The following BAG6 variants were observed in gnomAD, a reference collection of about 807,000 sequenced individuals.
BAG6 encodes BAG cochaperone 6, also known as large proline-rich protein BAG6.
A neutral mutation model predicts 121.0 loss-of-function variants in BAG6; 22 were observed. The ratio of observed to expected loss-of-function variants is 0.18; its 90% CI spans 0.13 to 0.26. The LOEUF (loss-of-function observed/expected upper bound fraction) is 0.26, where lower values mean the gene tolerates loss of function less well. Among genes scored for constraint, BAG6 ranks in the 10% least tolerant of loss-of-function variants. BAG6 has a pLI of 1.00. For missense variants in BAG6, 1,233 were observed against 1,537.7 expected (o/e 0.80, Z 3.31); for synonymous variants, 583 against 584.6 (o/e 1.00, Z 0.04).
At chr6:31,639,686 T>G in intron 24 of BAG6, 40 bp from the exon 25 acceptor site, 1 of 1,576,390 alleles carries the variant, frequency 6.3e-7, no homozygotes, top group Non-Finnish European at 8.6e-7. Flanking sequence ...AGGATCAACG[T>G]CAGATCCAGT....
chr6:31,648,607 C>T (rs957610014), intron 6 of BAG6, 70 bp downstream of exon 6: 7 of 1,508,254 alleles, frequency 4.6e-6, no homozygotes, highest in Non-Finnish European at 6.4e-6. Flanking sequence ...CAGTGAAGCC[C>T]TAACTCCCAG....
chr6:31,651,721 C>G lies in BAG6; in HGVS notation c.43G>C (p.Asp15His), dbSNP rs373058376. 6.2e-7 allele frequency: 1 copy of G among 1,612,942 alleles called. No individual in the cohort carries two copies. The highest frequency in any genetic ancestry group is 8.5e-7 in the Non-Finnish European group (1 of 1,180,036). ...GTCTTCACCAACACCTCCAAGCTGT[C>G]AGGCTCCTCCACAGCGGTACTGGTA... ...DSTSTAVEEPDSLEVLVKTLD... is the reference protein window; with the variant it reads ...DSTSTAVEEPHSLEVLVKTLD... The change falls in exon 2 of 26, where the codon GAC becomes CAC. Residue 15 changes from aspartate to histidine, a missense_variant. This residue lies in a region of BAG6 where 7 missense variants were observed against 24.3 expected (regional missense o/e 0.29). Transcript: ENST00000676615.
At position 31,644,950 on chromosome 6, in the gene BAG6, A is replaced by C. The variant is rs774611387; in HGVS notation, c.1365T>G (p.Ile455Met). 1 of 1,576,852 alleles carries C rather than the reference A, an allele frequency of 6.3e-7. No homozygotes were observed. Among genetic ancestry groups the C allele is most frequent in the Non-Finnish European group, 8.6e-7 (1 of 1,160,346 alleles). The change falls in exon 10 of 26, where the codon ATT (isoleucine) becomes ATG (methionine). Residue 455 changes from isoleucine (I) to methionine (M), a missense_variant. Coordinates refer to ENST00000676615, the MANE Select transcript of BAG6 (RefSeq NM_001387994.1). This position sits in a 1 kb window ranked among gnomAD's most constrained non-coding sequence, Gnocchi z 4.9. ...CTCGCCAGCAACTATTCTCACCTTG[A>C]ATGTTCATGTGCATCATGACCACGG... ...VEPVVMMHMNIQDSGTQPGGV... is the reference protein window; with the variant it reads ...VEPVVMMHMNMQDSGTQPGGV...
In BAG6 at chr6:31,639,502, G is replaced by A; in HGVS notation, c.3391C>T (p.Gln1131Ter). The change falls in exon 25 of 26, where the codon CAG becomes TAG. Residue 1131 changes from glutamine (Q) to a stop codon, truncating the protein, a stop_gained and splice_region_variant. Transcript: ENST00000676615. LOFTEE classifies it high-confidence loss of function. ...APEVQESYRQ[Q>*]LRSDIQKRLQ... ...CCTATTCTGCTTCAAGGTGGCACCT[G>A]CTGCCTGTAGCTCTCCTGAACCTCT... is the stretch of plus-strand genomic sequence containing the variant. 6.2e-7 allele frequency: 1 copy of A among 1,612,844 alleles called. No homozygotes were observed. The highest frequency in any genetic ancestry group is 8.5e-7 in the Non-Finnish European group (1 of 1,179,132).
chr6:31,643,011 GC>G lies in BAG6; in HGVS notation c.1860del (p.Pro621LeufsTer25). On this transcript the variant is annotated frameshift_variant, in exon 15 of 26. Coordinates refer to ENST00000676615, the MANE Select transcript of BAG6 (RefSeq NM_001387994.1). LOFTEE classifies it high-confidence loss of function. ...TGAGGGGTGGGTGGAGGCTGGGCAG[GC>G]CCCCCAGGAGCGGGGCCAGCTGTGG... The part of the protein sequence containing the change: ...TATTAGPAPG[G>X]PAQPPPTPQP... 1 of 1,591,886 alleles carries G rather than the reference GC, an allele frequency of 6.3e-7. No individual in the cohort carries two copies. Among genetic ancestry groups the G allele is most frequent in the Non-Finnish European group, 8.5e-7 (1 of 1,170,374 alleles).
In BAG6 at chr6:31,647,672, C is replaced by A; in HGVS notation, c.707G>T (p.Arg236Leu). The change falls in exon 7 of 26, where the codon CGT becomes CTT. Residue 236 changes from arginine to leucine, a missense_variant. This residue lies in a region of BAG6 where 777 missense variants were observed against 861.4 expected (regional missense o/e 0.90). Transcript: ENST00000676615. ...EPMEAEEVEE[R>L]APAQNPELTP... ...GAGCTCCGGGTTCTGGGCTGGGGCA[C>A]GCTCCTCCACTTCTTCTGCCTCCAT... The A allele has an allele frequency of 6.2e-7, 1 of 1,604,132 alleles. No homozygotes were observed. The highest frequency in any genetic ancestry group is 8.5e-7 in the Non-Finnish European group (1 of 1,176,760).
chr6:31,644,010 G>A lies in BAG6; in HGVS notation c.1669-33C>T, dbSNP rs1011031855. On this transcript the variant is annotated intron_variant, in intron 13 of 25. Transcript: ENST00000676615. This position sits in a 1 kb window ranked among gnomAD's most constrained non-coding sequence, Gnocchi z 4.9. ...GAGAGCAAGGGAGAATTTCAGACCT[G>A]CCCTTCCATGCACCACCACAGGAGT... The A allele has an allele frequency of 6.8e-6, 11 of 1,613,198 alleles. No individual in the cohort carries two copies. Among genetic ancestry groups the A allele is most frequent in the Admixed American group, 3.3e-5 (2 of 59,978 alleles).
At position 31,640,775 on chromosome 6, in the gene BAG6, C is replaced by T; in HGVS notation, c.2934+17G>A. 1 of 1,612,822 alleles carries T rather than the reference C, an allele frequency of 6.2e-7. No individual in the cohort carries two copies. The highest frequency in any genetic ancestry group is 8.5e-7 in the Non-Finnish European group (1 of 1,180,022). ...TCTCTCAAGTACCCTGACCCCATCG[C>T]CCAACAGGTCCCTTACCTGGGGGGG... On this transcript the variant is annotated intron_variant, in intron 21 of 25. Transcript: ENST00000676615. This position sits in a 1 kb window ranked among gnomAD's most constrained non-coding sequence, Gnocchi z 4.2.
Position 31,641,670 on chromosome 6 carries a change from G to A in BAG6, c.2506-78C>T. 1 of 1,611,444 alleles carries A rather than the reference G, an allele frequency of 6.2e-7. No individual in the cohort carries two copies. The highest frequency in any genetic ancestry group is 1.1e-5 in the South Asian group (1 of 91,040). Reference sequence around the variant, plus strand: ...TCCACCTCGACCCCAACAAGTCCAGGGCTTGTGTGGGGGCAATTGGAGCTT... The same window carrying A: ...TCCACCTCGACCCCAACAAGTCCAGAGCTTGTGTGGGGGCAATTGGAGCTT... On this transcript the variant is annotated intron_variant, in intron 17 of 25. Coordinates refer to ENST00000676615, the MANE Select transcript of BAG6 (RefSeq NM_001387994.1). The surrounding 1 kb of genome is among the most constrained non-coding windows in gnomAD (Gnocchi z 5.7).
intron 4 of BAG6, 105 bp from the exon 5 acceptor site, chr6:31,649,069 G>A (rs1431836095): frequency 2.7e-6 from 4 of 1,489,640 alleles, no homozygotes; most frequent in East Asian, 4.5e-5. Context: ...CTTAAAGACT[G>A]AGACCAATAG....
In BAG6 at chr6:31,641,403, G is replaced by T. The variant is rs1782576257; in HGVS notation, c.2579C>A (p.Pro860Gln). The T allele has an allele frequency of 1.2e-6, 2 of 1,614,082 alleles. No homozygotes were observed. The highest frequency in any genetic ancestry group is 1.6e-4 in the Middle Eastern group (1 of 6,084). ...RESFSLVQVQPGVDIIRTNLE... is the reference protein window; with the variant it reads ...RESFSLVQVQQGVDIIRTNLE... ...GTTTGTCCGGATGATGTCCACACCTGGCTGAACCTGCACCAAGGACTGAGA... is the reference window on the plus strand; with the variant it reads ...GTTTGTCCGGATGATGTCCACACCTTGCTGAACCTGCACCAAGGACTGAGA... The change falls in exon 19 of 26, where the codon CCA becomes CAA. Residue 860 changes from proline to glutamine, a missense_variant. Physicochemically the swap from Pro to Gln is moderately conservative, Grantham distance 76. This residue lies in a region of BAG6 where 288 missense variants were observed against 483.1 expected (regional missense o/e 0.60). Coordinates refer to ENST00000676615, the MANE Select transcript of BAG6 (RefSeq NM_001387994.1). The surrounding 1 kb of genome is among the most constrained non-coding windows in gnomAD (Gnocchi z 5.7).
In BAG6 at chr6:31,651,773, G is replaced by A. The variant is rs757747594; in HGVS notation, c.-10C>T. 8 of 1,611,926 alleles carry A rather than the reference G, an allele frequency of 5.0e-6. No homozygotes were observed. Among genetic ancestry groups the A allele is most frequent in the South Asian group, 1.1e-5 (1 of 91,060 alleles). On this transcript the variant is annotated 5_prime_UTR_variant, in exon 2 of 26. Coordinates refer to ENST00000676615, the MANE Select transcript of BAG6 (RefSeq NM_001387994.1). ...TATCATTAGGCTCCATGGCCGACAG[G>A]TCTCTAAAGAAGAACGAAGGAAGGA...
intron 24 of BAG6, 30 bp from the exon 25 acceptor site, chr6:31,639,676 A>AG: frequency 1.3e-6 from 2 of 1,586,712 alleles, no homozygotes; most frequent in Non-Finnish European, 1.7e-6. Flanking sequence ...GAGGGAAAAG[A>AG]GGATCAACGT....
Position 31,641,477 on chromosome 6 carries a change from T to C in BAG6, c.2560-55A>G. 6.2e-7 allele frequency: 1 copy of C among 1,613,416 alleles called. No individual in the cohort carries two copies. Among genetic ancestry groups the C allele is most frequent in the Non-Finnish European group, 8.5e-7 (1 of 1,179,710 alleles). On this transcript the variant is annotated intron_variant, in intron 18 of 25. Coordinates refer to ENST00000676615, the MANE Select transcript of BAG6 (RefSeq NM_001387994.1). This position sits in a 1 kb window ranked among gnomAD's most constrained non-coding sequence, Gnocchi z 5.7. Reference sequence around the variant, plus strand: ...AAATCAAGAATCATAAGACTGGGAGTGGAGGAGGCAGCTGCCTTGACCAGA... The same window carrying C: ...AAATCAAGAATCATAAGACTGGGAGCGGAGGAGGCAGCTGCCTTGACCAGA...
Position 31,640,568 on chromosome 6 carries a change from T to C in BAG6, c.2995-40A>G. 6.2e-7 allele frequency: 1 copy of C among 1,612,534 alleles called. No homozygotes were observed. Among genetic ancestry groups the C allele is most frequent in the Non-Finnish European group, 8.5e-7 (1 of 1,179,674 alleles). On this transcript the variant is annotated intron_variant, in intron 22 of 25. Coordinates refer to ENST00000676615, the MANE Select transcript of BAG6 (RefSeq NM_001387994.1). The surrounding 1 kb of genome is among the most constrained non-coding windows in gnomAD (Gnocchi z 4.2). The stretch of plus-strand genomic sequence containing the variant: ...GCGGGAAGAGCCAGGCTTCAGAATT[T>C]TTAGCCTCCAAACCTTTCTCCCCCA...
chr6:31,640,150 A>C lies in BAG6; in HGVS notation c.3246+49T>G. ...TCTACATAGTTTGATTCCAGGCATGACGGGGAAACCTGGATAGAGAGAGAG... is the reference window on the plus strand; with the variant it reads ...TCTACATAGTTTGATTCCAGGCATGCCGGGGAAACCTGGATAGAGAGAGAG... On this transcript the variant is annotated intron_variant, in intron 24 of 25. Coordinates refer to ENST00000676615, the MANE Select transcript of BAG6 (RefSeq NM_001387994.1). This position sits in a 1 kb window ranked among gnomAD's most constrained non-coding sequence, Gnocchi z 4.2. 2 of 1,565,816 alleles carry C rather than the reference A, an allele frequency of 1.3e-6. No homozygotes were observed. Among genetic ancestry groups the C allele is most frequent in the Non-Finnish European group, 1.8e-6 (2 of 1,137,588 alleles).
At chr6:31,639,739 TGA>T in intron 24 of BAG6, 93 bp from the exon 25 acceptor site, 1 of 1,403,396 alleles carries the variant, frequency 7.1e-7, no homozygotes, top group East Asian at 2.3e-5. Context: ...ACCACTCCAC[TGA>T]GTCTCCATGC....
At chr6:31,651,029 G>A (rs1450573875) in intron 2 of BAG6, among the ~76,000 whole-genome samples, 1 of 152,180 alleles carries the variant, frequency 6.6e-6, no homozygotes, top group African/African-American at 2.4e-5. Flanking sequence ...AGACACACTT[G>A]CTTAGGGTTC....
In BAG6 at chr6:31,642,973, A is replaced by G. The variant is rs201818393; in HGVS notation, c.1899T>C (p.Ala633=). 59 of 1,602,028 alleles carry G rather than the reference A, an allele frequency of 3.7e-5. No homozygotes were observed. The East Asian group carries it at 1.3e-3, about 35-fold the overall frequency. The part of the protein sequence containing the change: ...QPPPTPQPSM[A]DLQFSQLLGN... ...CCAGAAGCTGAGAGAACTGAAGATC[A>G]GCCATGGAGGGTTGAGGGGTGGGTG... Residue 633 remains alanine (A), a synonymous_variant, in exon 15 of 26, where the codon GCT becomes GCC. Coordinates refer to ENST00000676615, the MANE Select transcript of BAG6 (RefSeq NM_001387994.1).
Sources: gnomAD v4.1 joint callset for allele counts (sites outside exome capture counted in the v4.1 genomes callset) on GRCh38, gnomAD v4.1.1 for gene constraint, gnomAD v4.1.1 regional missense constraint, Gnocchi (gnomAD v3.1) non-coding constraint, MANE v1.5 for transcripts, NCBI Gene and HGNC (gene_info 2026-07-23, HGNC 2026-07-21) for gene names.